The following C1QTNF3 variants were observed in gnomAD, a reference collection of about 807,000 sequenced individuals.
C1QTNF3 encodes the protein C1q and TNF related 3, also known as complement C1q tumor necrosis factor-related protein 3.
In C1QTNF3, 26 loss-of-function variants were observed where a neutral mutation model predicts 32.6. That is an observed-to-expected ratio of 0.80 (90% CI 0.58 to 1.11). The LOEUF is 1.11. Ranked by LOEUF, C1QTNF3 falls within the 50% of genes least tolerant of loss-of-function variation. The probability of loss-of-function intolerance (pLI) is 0.00; values close to 1 mark genes in which losing one functional copy is unlikely to be tolerated. For synonymous variants in C1QTNF3, 155 were observed against 146.0 expected, an observed-to-expected ratio of 1.06 and a Z score of -0.44; for missense variants, 362 against 398.2, an observed-to-expected ratio of 0.91 and a Z score of 0.77.
At chr5:34,064,833 C>G in the C1QTNF3 span, among the ~76,000 whole-genome samples, 8 of 152,276 alleles carry the variant, frequency 5.3e-5, no homozygotes, top group Middle Eastern at 0.01. Context: ...CTCTTAAGGC[C>G]TTCAACTGAT....
the C1QTNF3 span, among the ~76,000 whole-genome samples, chr5:34,102,839 G>T: frequency 1.3e-5 from 2 of 152,200 alleles, no homozygotes. Context: ...GTTGTGGGGT[G>T]GGGGCTGGGG....
At chr5:34,213,790 TATATATATATATATATA>T in the C1QTNF3 span, among the ~76,000 whole-genome samples, 12 of 10,298 alleles carry the variant, frequency 1.2e-3, 2 homozygotes, top group Non-Finnish European at 2.3e-3. Flanking sequence ...TATATACATA[TATATATATATATATATA>T]TATTTTTTTT....
the C1QTNF3 span, among the ~76,000 whole-genome samples, chr5:34,063,426 T>C: frequency 6.6e-6 from 1 of 151,964 alleles, no homozygotes; most frequent in East Asian, 1.9e-4. Flanking sequence ...CCTGATCTAT[T>C]ATGTTGTCAT....
the C1QTNF3 span, among the ~76,000 whole-genome samples, chr5:34,139,647 A>C: frequency 6.6e-6 from 1 of 152,188 alleles, no homozygotes; most frequent in Admixed American, 6.5e-5. Flanking sequence ...AAAACTTAAC[A>C]TCGCTTCAGA....
the C1QTNF3 span, among the ~76,000 whole-genome samples, chr5:34,216,266 G>T: frequency 6.6e-6 from 1 of 152,166 alleles, no homozygotes; most frequent in South Asian, 2.1e-4. Context: ...TTGAACACCA[G>T]AAGGGGATAT....
At chr5:34,170,985 T>C in the C1QTNF3 span, among the ~76,000 whole-genome samples, 8 of 152,154 alleles carry the variant, frequency 5.3e-5, no homozygotes, top group South Asian at 2.1e-4. Context: ...CATTATGTAT[T>C]AGACATATGA....
the C1QTNF3 span, among the ~76,000 whole-genome samples, chr5:34,122,152 G>A: frequency 6.6e-6 from 1 of 152,186 alleles, no homozygotes; most frequent in East Asian, 1.9e-4. Flanking sequence ...AAGTGGGGAC[G>A]TTTTGGGATT....
the C1QTNF3 span, among the ~76,000 whole-genome samples, chr5:34,203,181 A>C: frequency 2.0e-5 from 3 of 152,228 alleles, no homozygotes; most frequent in Non-Finnish European, 4.4e-5. Flanking sequence ...ACAAAGTAGG[A>C]CGAGAAATCA....
At chr5:34,153,779 C>T in the C1QTNF3 span, among the ~76,000 whole-genome samples, 4 of 105,066 alleles carry the variant, frequency 3.8e-5, no homozygotes, top group Admixed American at 1.0e-4. Context: ...GTGGGTGCAG[C>T]GCACCAGCAT....
At chr5:34,076,353 A>G in the C1QTNF3 span, among the ~76,000 whole-genome samples, 1 of 151,710 alleles carries the variant, frequency 6.6e-6, no homozygotes, top group Non-Finnish European at 1.5e-5. Context: ...TTAATGAGCC[A>G]AGCTATATGA....
the C1QTNF3 span, among the ~76,000 whole-genome samples, chr5:34,176,904 T>G: frequency 8.0e-5 from 11 of 138,052 alleles, no homozygotes; most frequent in Non-Finnish European, 1.3e-4. Flanking sequence ...GAAATTAAAC[T>G]AAACCAGGCT....
the C1QTNF3 span, among the ~76,000 whole-genome samples, chr5:34,101,367 A>C: frequency 2.0e-5 from 3 of 152,058 alleles, no homozygotes; most frequent in East Asian, 5.8e-4. Context: ...CATCATCTGT[A>C]AAATGGGCAT....
chr5:34,219,178 T>A, the C1QTNF3 span, among the ~76,000 whole-genome samples: 1 of 152,102 alleles, frequency 6.6e-6, no homozygotes, highest in Non-Finnish European at 1.5e-5. Context: ...TAGTCCTTTC[T>A]CATTTCTGTT....
chr5:34,134,370 A>G, the C1QTNF3 span, among the ~76,000 whole-genome samples: 3 of 152,030 alleles, frequency 2.0e-5, no homozygotes, highest in Non-Finnish European at 4.4e-5. Flanking sequence ...GCTGCTTCAC[A>G]GGGTTTCTTG....
At chr5:34,174,312 C>T in the C1QTNF3 span, among the ~76,000 whole-genome samples, 4 of 152,178 alleles carry the variant, frequency 2.6e-5, no homozygotes, top group Admixed American at 2.6e-4. Context: ...CCACCTCGGC[C>T]TCCCAAAGTG....
At chr5:34,077,545 AT>A in the C1QTNF3 span, among the ~76,000 whole-genome samples, 1 of 151,794 alleles carries the variant, frequency 6.6e-6, no homozygotes, top group African/African-American at 2.4e-5. Flanking sequence ...ATTAAAAAAA[AT>A]CTTAAGTTTT....
chr5:34,110,661 A>G, the C1QTNF3 span, among the ~76,000 whole-genome samples: 1 of 152,228 alleles, frequency 6.6e-6, no homozygotes, highest in African/African-American at 2.4e-5. Flanking sequence ...TCTCTGCTCT[A>G]CCAGTGGAGA....
At chr5:34,207,830 C>T in the C1QTNF3 span, among the ~76,000 whole-genome samples, 1 of 151,952 alleles carries the variant, frequency 6.6e-6, no homozygotes, top group African/African-American at 2.4e-5. Flanking sequence ...CTCAGTCACC[C>T]AGGCTGGAGT....
chr5:34,073,516 A>C, the C1QTNF3 span, among the ~76,000 whole-genome samples: 1 of 152,246 alleles, frequency 6.6e-6, no homozygotes, highest in Non-Finnish European at 1.5e-5. Flanking sequence ...AAACGGACAA[A>C]GAAAGATTCA....
Sources: allele counts gnomAD v4.1 joint callset (sites outside exome capture counted in the v4.1 genomes callset), GRCh38; gene constraint gnomAD v4.1.1; transcripts MANE v1.5; gene names NCBI Gene and HGNC (gene_info 2026-07-23, HGNC 2026-07-21).